BZW2: variants seen among roughly 807,000 people sequenced by gnomAD.
BZW2 encodes eIF5-mimic protein 1.
In BZW2, 23 loss-of-function variants were observed where a neutral mutation model predicts 53.2. The observed-to-expected ratio is 0.43, with a 90% confidence interval of 0.31 to 0.61. The LOEUF is 0.61. Ranked by LOEUF, BZW2 falls within the 20% of genes least tolerant of loss-of-function variation. The pLI is 0.09. For missense variants in BZW2, 409 were observed against 503.1 expected, an observed-to-expected ratio of 0.81 and a Z score of 1.79; for synonymous variants, 227 against 186.4, an observed-to-expected ratio of 1.22 and a Z score of -1.77.
intron 1 of BZW2, among the ~76,000 whole-genome samples, chr7:16,653,054 G>A (rs971871773): frequency 3.3e-5 from 5 of 152,140 alleles, no homozygotes; most frequent in African/African-American, 7.2e-5. Context: ...GTGTGTGTGT[G>A]TGTAGCCCTT....
chr7:16,687,004 TG>T (rs1445027899), intron 6 of BZW2: 1 of 152,198 alleles, frequency 6.6e-6, no homozygotes, highest in African/African-American at 2.4e-5. Flanking sequence ...TTAGCCATTT[TG>T]CACACAGAAA....
intron 10 of BZW2, among the ~76,000 whole-genome samples, chr7:16,699,724 G>A (rs1783611172): frequency 6.6e-6 from 1 of 151,946 alleles, no homozygotes; most frequent in Non-Finnish European, 1.5e-5. Context: ...TACGGGAAAT[G>A]ACATCTAGGT....
At chr7:16,653,986 C>G (rs899056594) in intron 1 of BZW2, among the ~76,000 whole-genome samples, 3 of 146,416 alleles carry the variant, frequency 2.0e-5, no homozygotes, top group Non-Finnish European at 4.5e-5. Context: ...GTGACTCATG[C>G]CTGTAATCCC....
At chr7:16,691,088 T>C (rs1783288290) in intron 7 of BZW2, among the ~76,000 whole-genome samples, 2 of 152,222 alleles carry the variant, frequency 1.3e-5, no homozygotes, top group Non-Finnish European at 2.9e-5. Flanking sequence ...GAATACTTTG[T>C]TTCTTGAAGT....
At chr7:16,653,256 C>T (rs770276201) in intron 1 of BZW2, among the ~76,000 whole-genome samples, 4 of 152,210 alleles carry the variant, frequency 2.6e-5, no homozygotes, top group Non-Finnish European at 5.9e-5. Context: ...CACTGTCTAC[C>T]AGTCTAGGCC....
chr7:16,666,731 G>C (rs1235378315), intron 2 of BZW2, among the ~76,000 whole-genome samples: 1 of 152,048 alleles, frequency 6.6e-6, no homozygotes, highest in Non-Finnish European at 1.5e-5. Flanking sequence ...ATACAGTGGT[G>C]CCATGACAGC....
At position 16,646,225 on chromosome 7, in the gene BZW2, C is replaced by CT. The variant is rs1781857274; in HGVS notation, c.-71_-70insT. The CT allele has an allele frequency of 1.5e-5, 5 of 340,902 alleles. No homozygotes were observed. The highest frequency in any genetic ancestry group is 9.0e-5 in the African/African-American group (4 of 44,350). The allele number at this position is 340,902 out of a possible 1,614,324, so 21.1% of individuals were successfully genotyped here. A position where few individuals can be genotyped will look rare whatever the true frequency, so the allele number is the denominator to read the frequency against. ...CCACTGCTGCTGCTGCTGCTGCTGC[C>CT]GCTGCTGCTGCACGAATCGCCGCAG... On this transcript the variant is annotated 5_prime_UTR_variant, in exon 1 of 12. Transcript: ENST00000258761.
chr7:16,684,072 C>G (rs1448202779), intron 5 of BZW2, among the ~76,000 whole-genome samples: 2 of 152,140 alleles, frequency 1.3e-5, no homozygotes, highest in Non-Finnish European at 2.9e-5. Context: ...CCTAAATGTT[C>G]ATTGGTGGGA....
chr7:16,691,999 C>G lies in BZW2; in HGVS notation c.651+2093C>G, dbSNP rs139834967. Among the ~76,000 whole-genome samples, 214 of 152,264 alleles carry G rather than the reference C, an allele frequency of 1.4e-3. 3 individuals carry two copies. In the East Asian group the frequency reaches 0.038, roughly 27 times the overall value. On this transcript the variant is annotated intron_variant, in intron 7 of 11. Coordinates refer to ENST00000258761, the MANE Select transcript of BZW2 (RefSeq NM_014038.3). ...TGAGAACAGCGTAGTTGCCTATGCA[C>G]TATGCCTGCCTGATATTTGTTGAAT... is the stretch of plus-strand genomic sequence containing the variant.
rs111537303 is a variant in BZW2 at position 16,686,613 on chromosome 7, T to C, written c.541+573T>C. 536 of 152,820 alleles carry C rather than the reference T, an allele frequency of 3.5e-3. 3 individuals carry two copies. The highest frequency in any genetic ancestry group is 6.2e-3 in the Non-Finnish European group (424 of 68,384). The allele number at this position is 152,820 out of a possible 1,614,324, so 9.5% of individuals were successfully genotyped here. The stretch of plus-strand genomic sequence containing the variant: ...TAGAATAAAATAAAAGTCGGCTGTT[T>C]ACTTGTAGGAGGATAATGATAGTCA... On this transcript the variant is annotated intron_variant, in intron 6 of 11. Transcript: ENST00000258761.
chr7:16,654,709 T>G (rs1309301450), intron 1 of BZW2, among the ~76,000 whole-genome samples: 3 of 151,774 alleles, frequency 2.0e-5, no homozygotes, highest in Non-Finnish European at 4.4e-5. Context: ...TAATTGTTTT[T>G]TTTTTTTTTA....
chr7:16,683,720 C>T (rs1783027627), intron 5 of BZW2, among the ~76,000 whole-genome samples: 1 of 152,130 alleles, frequency 6.6e-6, no homozygotes, highest in South Asian at 2.1e-4. Context: ...TATATGGCAC[C>T]CACTACCTTT....
intron 1 of BZW2, chr7:16,661,443 G>C (rs1782257557): frequency 6.6e-6 from 1 of 152,098 alleles, no homozygotes; most frequent in Admixed American, 6.5e-5. Context: ...TGGGCCCAGA[G>C]TCTCATTGCA....
At chr7:16,675,192 A>G (rs1562485181) in intron 3 of BZW2, among the ~76,000 whole-genome samples, 1 of 152,332 alleles carries the variant, frequency 6.6e-6, no homozygotes, top group East Asian at 1.9e-4. Context: ...ATTAAGTATA[A>G]TAGCCACCCA....
At chr7:16,686,740 A>C (rs563821097) in intron 6 of BZW2, 2 of 152,388 alleles carry the variant, frequency 1.3e-5, no homozygotes, top group Admixed American at 6.5e-5. Flanking sequence ...TTTTCCTCCT[A>C]CATATATGAA....
chr7:16,678,090 T>TC (rs1782822205), intron 3 of BZW2, among the ~76,000 whole-genome samples: 2 of 130,932 alleles, frequency 1.5e-5, no homozygotes, highest in Admixed American at 7.3e-5. Context: ...CATTGTTCTT[T>TC]TTTTTTTTTT....
intron 2 of BZW2, among the ~76,000 whole-genome samples, chr7:16,672,154 G>A (rs1045461304): frequency 1.3e-5 from 2 of 152,124 alleles, no homozygotes; most frequent in Non-Finnish European, 2.9e-5. Context: ...TACTTTGTGT[G>A]AATCCACTTT....
chr7:16,683,395 T>C (rs1279721791), intron 5 of BZW2, among the ~76,000 whole-genome samples: 1 of 152,208 alleles, frequency 6.6e-6, no homozygotes, highest in East Asian at 1.9e-4. Flanking sequence ...TGTAAGACAG[T>C]GTGCTTTGTT....
At chr7:16,656,555 GCACACACACACA>G (rs376412401) in intron 1 of BZW2, among the ~76,000 whole-genome samples, 82 of 141,300 alleles carry the variant, frequency 5.8e-4, no homozygotes, top group African/African-American at 1.6e-3. Flanking sequence ...GCGCGCGCGC[GCACACACACACA>G]CACACACACA....
Sources: gnomAD v4.1 joint callset for allele counts (sites outside exome capture counted in the v4.1 genomes callset) on GRCh38, gnomAD v4.1.1 for gene constraint, MANE v1.5 for transcripts, NCBI Gene and HGNC (gene_info 2026-07-23, HGNC 2026-07-21) for gene names.